Variants in VEGFC observed in about 807,000 individuals in gnomAD.
VEGFC encodes the protein vascular endothelial growth factor C, also known as FLT4 ligand DHM.
Under a neutral mutation model 46.1 loss-of-function variants are expected in VEGFC, and 12 were observed. That is an observed-to-expected ratio of 0.26 (90% CI 0.17 to 0.42). The LOEUF (loss-of-function observed/expected upper bound fraction) is 0.42, where lower values mean the gene tolerates loss of function less well. Ranked by LOEUF, VEGFC falls within the 10% of genes least tolerant of loss-of-function variation. The pLI is 1.00. For synonymous variants in VEGFC, 232 were observed against 195.5 expected (o/e 1.19, Z -1.56); for missense variants, 488 against 529.4 (o/e 0.92, Z 0.77).
rs201909659 is a variant in VEGFC at position 176,777,900 on chromosome 4, C to G, written c.147+14265G>C. 2.6e-4 allele frequency among the ~76,000 whole-genome samples: 27 copies of G among 105,132 alleles called. 1 individual carries two copies. In the East Asian group the frequency reaches 8.6e-3, roughly 34 times the overall value. 69.0% of individuals were successfully genotyped at this position (105,132 alleles called of 152,430 possible). Reference sequence around the variant, plus strand: ...TGCCACTGCACTCCAGCCTGGGCGACAGAGCAAGACTTTGTCTCAAAAAAA... The same window carrying G: ...TGCCACTGCACTCCAGCCTGGGCGAGAGAGCAAGACTTTGTCTCAAAAAAA... On this transcript the variant is annotated intron_variant, in intron 1 of 6. Coordinates refer to ENST00000618562, the MANE Select transcript of VEGFC (RefSeq NM_005429.5).
chr4:176,786,483 A>G (rs768169837), intron 1 of VEGFC, among the ~76,000 whole-genome samples: 1 of 152,150 alleles, frequency 6.6e-6, no homozygotes, highest in Non-Finnish European at 1.5e-5. Context: ...ATATCATTCC[A>G]CCTTTCCCAG....
rs368406055 is a variant in VEGFC at position 176,790,940 on chromosome 4, CAA to C, written c.147+1223_147+1224del. Among the ~76,000 whole-genome samples, 279 of 152,250 alleles carry C rather than the reference CAA, an allele frequency of 1.8e-3. 2 individuals are homozygous for C. Among genetic ancestry groups the C allele is most frequent in the African/African-American group, 6.5e-3 (269 of 41,554 alleles). Reference sequence around the variant, plus strand: ...CTATTTCATGTATATTGTTTTTACTCAAGAGGCATTCCTTTAACCCCTATATT... The same window carrying C: ...CTATTTCATGTATATTGTTTTTACTCGAGGCATTCCTTTAACCCCTATATT... On this transcript the variant is annotated intron_variant, in intron 1 of 6. Coordinates refer to ENST00000618562, the MANE Select transcript of VEGFC (RefSeq NM_005429.5).
rs868250788 is a variant in VEGFC at position 176,727,890 on chromosome 4, G to A, written c.440C>T (p.Ala147Val). 17 of 1,613,504 alleles carry A rather than the reference G, an allele frequency of 1.1e-5. No homozygotes were observed. Among genetic ancestry groups the A allele is most frequent in the African/African-American group, 2.7e-5 (2 of 74,790 alleles). Reference sequence around the variant, plus strand: ...TGGAGGTTTAAAGAAGGTGTTTGTCGCGACTCCAAACTCCTTCCCCACATC... The same window carrying A: ...TGGAGGTTTAAAGAAGGTGTTTGTCACGACTCCAAACTCCTTCCCCACATC... ...CIDVGKEFGV[A>V]TNTFFKPPCV... Residue 147 changes from alanine to valine, a missense_variant, in exon 3 of 7, where the codon GCG (alanine) becomes GTG (valine). Ala to Val is a moderately conservative substitution (Grantham distance 64). Transcript: ENST00000618562.
chr4:176,787,525 A>AT (rs1736024143), intron 1 of VEGFC, among the ~76,000 whole-genome samples: 1 of 152,026 alleles, frequency 6.6e-6, no homozygotes, highest in African/African-American at 2.4e-5. Flanking sequence ...TGGAAAAAAA[A>AT]CTATCGTGGA....
chr4:176,768,481 A>G (rs1166168878), intron 1 of VEGFC, among the ~76,000 whole-genome samples: 2 of 32,952 alleles, frequency 6.1e-5, no homozygotes, highest in Non-Finnish European at 1.9e-4. Flanking sequence ...AAGTAAGAGG[A>G]TGTTTTATAC....
chr4:176,716,302 C>T (rs1734696599), intron 3 of VEGFC, among the ~76,000 whole-genome samples: 1 of 151,958 alleles, frequency 6.6e-6, no homozygotes, highest in Admixed American at 6.6e-5. Flanking sequence ...GAGGGCGGGG[C>T]ATGGTGACTC....
intron 1 of VEGFC, among the ~76,000 whole-genome samples, chr4:176,772,751 G>C (rs1735743057): frequency 6.6e-6 from 1 of 152,156 alleles, no homozygotes; most frequent in South Asian, 2.1e-4. Flanking sequence ...AGTTCCACCT[G>C]TTCTTGCACT....
In VEGFC at chr4:176,792,414, G is replaced by T; in HGVS notation, c.-103C>A. On this transcript the variant is annotated 5_prime_UTR_variant, in exon 1 of 7. Transcript: ENST00000618562. This position sits in a 1 kb window ranked among gnomAD's most constrained non-coding sequence, Gnocchi z 6.3. ...GGGCCCCTCCTGGTCCCTCTCCCCC[G>T]GGCTCCTCCCGGCGACCCCCCCTGG... The T allele has an allele frequency of 1.1e-6, 1 of 944,670 alleles. No homozygotes were observed. Among genetic ancestry groups the T allele is most frequent in the Non-Finnish European group, 1.4e-6 (1 of 693,880 alleles). The allele number at this position is 944,670 out of a possible 1,614,324, so 58.5% of individuals were successfully genotyped here. A position where few individuals can be genotyped will look rare whatever the true frequency, so the allele number is the denominator to read the frequency against.
chr4:176,727,930 G>T lies in VEGFC; in HGVS notation c.400C>A (p.Arg134=). 1.2e-6 allele frequency: 2 copies of T among 1,612,356 alleles called. No homozygotes were observed. Among genetic ancestry groups the T allele is most frequent in the Non-Finnish European group, 1.7e-6 (2 of 1,179,162 alleles). ...NEWRKTQCMP[R]EVCIDVGKEF... is the part of the protein sequence containing the mutation. ...TTCCCCACATCTATACACACCTCCCGTGGCATGCATTGAGTCTTTCTCCAC... is the reference window on the plus strand; with the variant it reads ...TTCCCCACATCTATACACACCTCCCTTGGCATGCATTGAGTCTTTCTCCAC... The change falls in exon 3 of 7, where the codon CGG becomes AGG. Residue 134 remains arginine, a synonymous_variant. Transcript: ENST00000618562.
intron 1 of VEGFC, among the ~76,000 whole-genome samples, chr4:176,764,149 G>A (rs1735577191): frequency 6.6e-6 from 1 of 152,170 alleles, no homozygotes; most frequent in South Asian, 2.1e-4. Flanking sequence ...AGACAGCCAA[G>A]CTTTCAGTTG....
chr4:176,767,444 T>C (rs1455051543), intron 1 of VEGFC, among the ~76,000 whole-genome samples: 1 of 152,210 alleles, frequency 6.6e-6, no homozygotes, highest in Admixed American at 6.5e-5. Flanking sequence ...GTGTGTGCAC[T>C]CTACAGTTAG....
chr4:176,693,034 G>A (rs1442857004), intron 4 of VEGFC, among the ~76,000 whole-genome samples: 2 of 151,900 alleles, frequency 1.3e-5, no homozygotes, highest in East Asian at 1.9e-4. Context: ...GGAAAAAACA[G>A]AACAGAAAAA....
At chr4:176,755,789 TACC>T (rs943133525) in intron 1 of VEGFC, among the ~76,000 whole-genome samples, 2 of 152,044 alleles carry the variant, frequency 1.3e-5, no homozygotes, top group Non-Finnish European at 1.5e-5. Flanking sequence ...ATGAATGTAT[TACC>T]ACATTACTGT....
intron 4 of VEGFC, among the ~76,000 whole-genome samples, chr4:176,702,237 T>C (rs534404207): frequency 1.8e-4 from 27 of 152,294 alleles, no homozygotes; most frequent in African/African-American, 5.8e-4. Context: ...AAATAAGTTT[T>C]ACTGAGTAAA....
Position 176,792,360 on chromosome 4 carries a change from TG to T in VEGFC, c.-50del. The T allele has an allele frequency of 1.1e-5, 11 of 1,010,388 alleles. No individual in the cohort carries two copies. The highest frequency in any genetic ancestry group is 1.3e-5 in the Non-Finnish European group (10 of 754,406). 62.6% of individuals were successfully genotyped at this position (1,010,388 alleles called of 1,614,324 possible). A position where few individuals can be genotyped will look rare whatever the true frequency, so the allele number is the denominator to read the frequency against. ...ACCGGTCCGCTGGCGGGGGCAGGGG[TG>T]GGGGCGCGGGCGCCCCTGCGAGGCC... On this transcript the variant is annotated 5_prime_UTR_variant, in exon 1 of 7. Transcript: ENST00000618562. This position sits in a 1 kb window ranked among gnomAD's most constrained non-coding sequence, Gnocchi z 6.3.
chr4:176,708,661 T>C (rs1445420415), intron 4 of VEGFC, among the ~76,000 whole-genome samples: 1 of 152,184 alleles, frequency 6.6e-6, no homozygotes, highest in Non-Finnish European at 1.5e-5. Context: ...TAAAATTCTC[T>C]AATATCGACA....
intron 3 of VEGFC, among the ~76,000 whole-genome samples, chr4:176,725,026 A>G (rs1265612514): frequency 6.6e-6 from 1 of 152,138 alleles, no homozygotes; most frequent in Admixed American, 6.6e-5. Context: ...TGGAGTGAAT[A>G]ACGATATATT....
chr4:176,789,122 C>T lies in VEGFC; in HGVS notation c.147+3043G>A, dbSNP rs778272891. On this transcript the variant is annotated intron_variant, in intron 1 of 6. Coordinates refer to ENST00000618562, the MANE Select transcript of VEGFC (RefSeq NM_005429.5). ...CGCCAGTTCCTCTGTTGGTGAAAAC[C>T]CCAGCAAGAGCTGAGAAACAGCATT... Among the ~76,000 whole-genome samples, 61 of 152,134 alleles carry T rather than the reference C, an allele frequency of 4.0e-4. 1 individual carries two copies. The highest frequency in any genetic ancestry group is 1.4e-3 in the African/African-American group (60 of 41,446).
chr4:176,759,965 A>G lies in VEGFC; in HGVS notation c.148-30219T>C, dbSNP rs558603395. Reference sequence around the variant, plus strand: ...CATAGCTTCCAAATTTAGAGAAAATATGTAAAGAAATAAGTGTTTTTACAC... The same window carrying G: ...CATAGCTTCCAAATTTAGAGAAAATGTGTAAAGAAATAAGTGTTTTTACAC... On this transcript the variant is annotated intron_variant, in intron 1 of 6. Transcript: ENST00000618562. 2.4e-3 allele frequency among the ~76,000 whole-genome samples: 365 copies of G among 152,140 alleles called. 1 individual carries two copies. Among genetic ancestry groups the G allele is most frequent in the African/African-American group, 8.4e-3 (350 of 41,508 alleles).
Sources: gnomAD v4.1 joint callset for allele counts (sites outside exome capture counted in the v4.1 genomes callset) on GRCh38, gnomAD v4.1.1 for gene constraint, Gnocchi (gnomAD v3.1) non-coding constraint, MANE v1.5 for transcripts, NCBI Gene and HGNC (gene_info 2026-07-23, HGNC 2026-07-21) for gene names.